The following HDAC6 variants were observed in gnomAD, a reference collection of about 807,000 sequenced individuals.
The protein encoded by HDAC6 is histone deacetylase 6.
A neutral mutation model predicts 88.9 loss-of-function variants in HDAC6; 5 were observed. The observed-to-expected ratio is 0.06, with a 90% confidence interval of 0.03 to 0.12. HDAC6 has a LOEUF of 0.12. Among genes scored for constraint, HDAC6 ranks in the 10% least tolerant of loss-of-function variants. HDAC6 has a pLI of 1.00. For missense variants in HDAC6, 706 were observed against 1,014.4 expected, an observed-to-expected ratio of 0.70 and a Z score of 4.13; for synonymous variants, 378 against 398.0, an observed-to-expected ratio of 0.95 and a Z score of 0.60.
Position 48,824,170 on chromosome X carries a change from A to G in HDAC6, c.3455A>G (p.Tyr1152Cys). Residue 1152 changes from tyrosine (Y) to cysteine (C), a missense_variant, in exon 28 of 29, where the codon TAC becomes TGC. By Grantham distance (194) the Tyr-to-Cys change is radical. Coordinates refer to ENST00000334136, the MANE Select transcript of HDAC6 (RefSeq NM_006044.4). ...NWVCLSCYQVYCGRYINGHML... is the reference protein window; with the variant it reads ...NWVCLSCYQVCCGRYINGHML... ...CACTCACACCCCCAACCTCAGGTCT[A>G]CTGTGGTCGTTACATCAATGGCCAC... 1 of 1,209,890 alleles carries G rather than the reference A, an allele frequency of 8.3e-7. No individual in the cohort carries two copies. The highest frequency in any genetic ancestry group is 1.1e-6 in the Non-Finnish European group (1 of 894,536).
intron 22 of HDAC6, chrX:48,819,886 A>C: frequency 2.0e-6 from 1 of 497,813 alleles, no homozygotes. Context: ...GTCTGCATCT[A>C]TTTCTTCTAC....
Position 48,814,432 on chromosome X carries a change from G to T in HDAC6, c.807-8G>T. On this transcript the variant is annotated splice_polypyrimidine_tract_variant and splice_region_variant and intron_variant, in intron 10 of 28. Coordinates refer to ENST00000334136, the MANE Select transcript of HDAC6 (RefSeq NM_006044.4). ...CAACTCTCTTACCTCTTTTTCTTCTGCCCCCAGTGTCCTCTATTTCTCCAT... is the reference window on the plus strand; with the variant it reads ...CAACTCTCTTACCTCTTTTTCTTCTTCCCCCAGTGTCCTCTATTTCTCCAT... The T allele has an allele frequency of 8.3e-7, 1 of 1,209,966 alleles. No individual in the cohort carries two copies. The highest frequency in any genetic ancestry group is 1.1e-6 in the Non-Finnish European group (1 of 894,614).
chrX:48,817,610 A>G, intron 20 of HDAC6, 151 bp downstream of exon 20: 1 of 505,457 alleles, frequency 2.0e-6, no homozygotes, highest in Non-Finnish European at 3.2e-6. Flanking sequence ...CCAGAGAAGG[A>G]CCGAGGATGG....
In HDAC6 at chrX:48,814,825, C is replaced by T. The variant is rs1557026928; in HGVS notation, c.1000-9C>T. On this transcript the variant is annotated splice_polypyrimidine_tract_variant and intron_variant, in intron 12 of 28. Coordinates refer to ENST00000334136, the MANE Select transcript of HDAC6 (RefSeq NM_006044.4). ...GTAGGTAGCCTCATGGAGTCTGTTC[C>T]CCCTTCAGTTCCAGCCTCAGCTGGT... is the stretch of plus-strand genomic sequence containing the variant. 3.3e-6 allele frequency: 4 copies of T among 1,209,941 alleles called. No individual in the cohort carries two copies. The African/African-American group carries it at 5.2e-5, about 16-fold the overall frequency.
At position 48,802,736 on chromosome X, in the gene HDAC6, G is replaced by A; in HGVS notation, c.44G>A (p.Arg15Lys). ...GATTCCACCACAACCAGGCAGCGAA[G>A]AAGTAGGCAGAACCCCCAGTCGCCC... Reference protein sequence around the residue: ...GQDSTTTRQRRSRQNPQSPPQ... With the variant: ...GQDSTTTRQRKSRQNPQSPPQ... Residue 15 changes from arginine (R) to lysine (K), a missense_variant, in exon 2 of 29, where the codon AGA becomes AAA. This residue lies in a region of HDAC6 where 193 missense variants were observed against 258.2 expected (regional missense o/e 0.75). Coordinates refer to ENST00000334136, the MANE Select transcript of HDAC6 (RefSeq NM_006044.4). The A allele has an allele frequency of 8.3e-7, 1 of 1,208,886 alleles. No homozygotes were observed.
chrX:48,814,972 C>G lies in HDAC6; in HGVS notation c.1070C>G (p.Ala357Gly). The change falls in exon 14 of 29, where the codon GCC (alanine) becomes GGC (glycine). Residue 357 changes from alanine (A) to glycine (G), a missense_variant. Ala to Gly is a moderately conservative substitution (Grantham distance 60, BLOSUM62 0). This residue lies in a region of HDAC6 where 106 missense variants were observed against 135.1 expected (regional missense o/e 0.78). Transcript: ENST00000334136. ...TCCATGTCCCCCCAGGGTGAGATGG[C>G]CGCCACTCCGGCAGGGTTCGCCCAG... ...ALQGDPKGEM[A>G]ATPAGFAQLT... 1 of 1,208,949 alleles carries G rather than the reference C, an allele frequency of 8.3e-7. No homozygotes were observed. Among genetic ancestry groups the G allele is most frequent in the Non-Finnish European group, 1.1e-6 (1 of 893,988 alleles).
rs782374661 is a variant in HDAC6, at chrX:48,816,474, C to T, written c.1632C>T (p.Tyr544=). Residue 544 remains tyrosine, a synonymous_variant, in exon 19 of 29, where the codon TAC becomes TAT. Coordinates refer to ENST00000334136, the MANE Select transcript of HDAC6 (RefSeq NM_006044.4). ...CTCTCTGTGCTTCCAGTGCTGAGTACGTGGGTCATCTCCGGGCCACAGAGA... is the reference window on the plus strand; with the variant it reads ...CTCTCTGTGCTTCCAGTGCTGAGTATGTGGGTCATCTCCGGGCCACAGAGA... The part of the protein sequence containing the change: ...AELLTCHSAE[Y]VGHLRATEKM... The T allele has an allele frequency of 1.1e-5, 13 of 1,200,639 alleles. No homozygotes were observed. The Admixed American group carries it at 2.7e-4, about 25-fold the overall frequency.
At chrX:48,823,807 G>A (rs782606810) in intron 26 of HDAC6, 22 bp downstream of exon 26, 1 of 1,192,327 alleles carries the variant, frequency 8.4e-7, no homozygotes, top group Admixed American at 2.2e-5. Context: ...GAGAGGCTGG[G>A]ACTGTGGCTT....
At chrX:48,812,098 A>T (rs1313396453) in intron 10 of HDAC6, among the ~76,000 whole-genome samples, 1 of 112,896 alleles carries the variant, frequency 8.9e-6, no homozygotes, top group African/African-American at 3.2e-5. Flanking sequence ...CATTCAAAGA[A>T]TTCTTTAATA....
rs782575092 is a variant in HDAC6, at chrX:48,816,040, A to G, written c.1481A>G (p.Asn494Ser). 4.1e-6 allele frequency: 5 copies of G among 1,211,587 alleles called. No homozygotes were observed. The highest frequency in any genetic ancestry group is 5.9e-5 in the East Asian group (2 of 33,816). Residue 494 changes from asparagine to serine, a missense_variant, in exon 17 of 29, where the codon AAC (asparagine) becomes AGC (serine). Coordinates refer to ENST00000334136, the MANE Select transcript of HDAC6 (RefSeq NM_006044.4). Reference protein sequence around the residue: ...VYDQNMMNHCNLWDSHHPEVP... With the variant: ...VYDQNMMNHCSLWDSHHPEVP... ...GACCAAAATATGATGAATCACTGCAACTTGTGGGACAGGTAGGCATTTGGA... is the reference window on the plus strand; with the variant it reads ...GACCAAAATATGATGAATCACTGCAGCTTGTGGGACAGGTAGGCATTTGGA...
At chrX:48,802,377 G>T (rs2062739537) in intron 1 of HDAC6, 1 of 889,185 alleles carries the variant, frequency 1.1e-6, no homozygotes, top group Non-Finnish European at 1.4e-6. Context: ...CCCTAAGACG[G>T]ACTGTGTGAG....
intron 1 of HDAC6, 144 bp from the exon 2 acceptor site, chrX:48,802,519 C>A: frequency 1.8e-6 from 2 of 1,097,962 alleles, no homozygotes. Flanking sequence ...CTGAGAGAGG[C>A]GGAGTTTGGA....
rs116427806 is a variant in HDAC6 at position 48,811,516 on chromosome X, G to A, written c.807-2924G>A. 2.3e-3 allele frequency among the ~76,000 whole-genome samples: 256 copies of A among 112,366 alleles called. 2 individuals are homozygous for A. The highest frequency in any genetic ancestry group is 9.2e-3 in the Middle Eastern group (2 of 217). ...ACTCTGCTGCAGTGTTTGTAGGTCT[G>A]TTTTCCTGAAAGGCATTTCCCCAGA... On this transcript the variant is annotated intron_variant, in intron 10 of 28. Transcript: ENST00000334136.
At position 48,818,344 on chromosome X, in the gene HDAC6, G is replaced by A. The variant is rs782128854; in HGVS notation, c.2119G>A (p.Gly707Arg). Residue 707 changes from glycine to arginine, a missense_variant, in exon 22 of 29, where the codon GGG becomes AGG. Physicochemically the swap from Gly to Arg is moderately radical, Grantham distance 125. Around this residue, in one of 9 missense-constraint regions of HDAC6, gnomAD observed 138 missense variants for 303.5 expected, o/e 0.45. Transcript: ENST00000334136. ...TGFTVNVAWNGPRMGDADYLA... is the reference protein window; with the variant it reads ...TGFTVNVAWNRPRMGDADYLA... ...CTTCACCGTCAACGTGGCATGGAAC[G>A]GGCCCCGCATGGGTGATGCTGACTA... 2 of 1,202,828 alleles carry A rather than the reference G, an allele frequency of 1.7e-6. No homozygotes were observed. The highest frequency in any genetic ancestry group is 1.8e-5 in the South Asian group (1 of 54,929).
Position 48,803,083 on chromosome X carries a change from A to G in HDAC6, c.223-45A>G, listed in dbSNP as rs782328442. 9 of 1,196,651 alleles carry G rather than the reference A, an allele frequency of 7.5e-6. No homozygotes were observed. In the Admixed American group the frequency reaches 2.0e-4, roughly 26 times the overall value. On this transcript the variant is annotated intron_variant, in intron 3 of 28. Coordinates refer to ENST00000334136, the MANE Select transcript of HDAC6 (RefSeq NM_006044.4). ...CACCCTGGACAGTTCCCTCTGACTC[A>G]GGGCCTAAAATGGATCTGTGTCTCC...
upstream of HDAC6, chrX:48,801,989 C>G (rs1557022466): frequency 1.0e-6 from 1 of 962,093 alleles, no homozygotes; most frequent in African/African-American, 2.0e-5. Flanking sequence ...GGGGCGGAGG[C>G]CGACCGAAGG....
At chrX:48,824,501 T>C (rs1557031770) in intron 28 of HDAC6, 43 bp from the exon 29 acceptor site, 1 of 1,138,152 alleles carries the variant, frequency 8.8e-7, no homozygotes, top group Admixed American at 2.2e-5. Flanking sequence ...GGTAGAGGGG[T>C]CCTCACTCTC....
At position 48,814,446 on chromosome X, in the gene HDAC6, C is replaced by T. The variant is rs2062949664; in HGVS notation, c.813C>T (p.Leu271=). Residue 271 remains leucine, a synonymous_variant, in exon 11 of 29, where the codon CTC becomes CTT. Transcript: ENST00000334136. ...CTTTTTCTTCTGCCCCCAGTGTCCT[C>T]TATTTCTCCATCCACCGCTACGAGC... is the stretch of plus-strand genomic sequence containing the variant. ...QFTFDQDPSV[L]YFSIHRYEQG... is the part of the protein sequence containing the mutation. 1 of 1,211,645 alleles carries T rather than the reference C, an allele frequency of 8.3e-7. No individual in the cohort carries two copies.
Position 48,816,020 on chromosome X carries a change from A to G in HDAC6, c.1461A>G (p.Gln487=). ...LQSRTGLVYD[Q]NMMNHCNLWD... is the part of the protein sequence containing the mutation. The stretch of plus-strand genomic sequence containing the variant: ...CTCGCACAGGGCTGGTCTATGACCA[A>G]AATATGATGAATCACTGCAACTTGT... The change falls in exon 17 of 29, where the codon CAA becomes CAG. Residue 487 remains glutamine (Q), a synonymous_variant. Transcript: ENST00000334136. 1.7e-6 allele frequency: 2 copies of G among 1,211,711 alleles called. No homozygotes were observed. Among genetic ancestry groups the G allele is most frequent in the Non-Finnish European group, 2.2e-6 (2 of 895,419 alleles).
Sources: gnomAD v4.1 joint callset for allele counts (sites outside exome capture counted in the v4.1 genomes callset) on GRCh38, gnomAD v4.1.1 for gene constraint, gnomAD v4.1.1 regional missense constraint, MANE v1.5 for transcripts, NCBI Gene and HGNC (gene_info 2026-07-23, HGNC 2026-07-21) for gene names.